The following PAK3 variants were observed in gnomAD, a reference collection of about 807,000 sequenced individuals.
PAK3 encodes the protein p21 (RAC1) activated kinase 3, also known as serine/threonine-protein kinase PAK 3.
A neutral mutation model predicts 41.0 loss-of-function variants in PAK3; 4 were observed. The observed-to-expected ratio is 0.10, with a 90% confidence interval of 0.05 to 0.22. The LOEUF (loss-of-function observed/expected upper bound fraction) is 0.22, where lower values mean the gene tolerates loss of function less well. Ranked by LOEUF, PAK3 falls within the 10% of genes least tolerant of loss-of-function variation. The pLI is 1.00. For synonymous variants in PAK3, 146 were observed against 139.6 expected (o/e 1.05, Z -0.32); for missense variants, 205 against 409.9 (o/e 0.50, Z 4.32).
At chrX:111,138,833 A>G (rs770932269) in intron 5 of PAK3, among the ~76,000 whole-genome samples, 141 of 110,927 alleles carry the variant, frequency 1.3e-3, no homozygotes, top group African/African-American at 4.4e-3. Flanking sequence ...GACAGCATTT[A>G]AGCATCTTAA....
chrX:110,976,786 G>T lies in PAK3; in HGVS notation c.-28+32158G>T, dbSNP rs1425671369. The stretch of plus-strand genomic sequence containing the variant: ...ATGGAATACTATGCAGCCATAAAAA[G>T]TATGAGTTCATGTCCTTTTCAGGGA... On this transcript the variant is annotated intron_variant, in intron 1 of 14. Coordinates refer to the PAK3 transcript ENST00000425146. Among the ~76,000 whole-genome samples the T allele has an allele frequency of 5.4e-5, 6 of 111,344 alleles. No homozygotes were observed. In the Admixed American group the frequency reaches 5.7e-4, roughly 11 times the overall value.
chrX:111,098,061 T>C (rs1193398195), intron 3 of PAK3, among the ~76,000 whole-genome samples: 2 of 109,665 alleles, frequency 1.8e-5, no homozygotes, highest in African/African-American at 6.7e-5. Context: ...TGCAATAGGG[T>C]TATAAGCTAG....
chrX:111,059,644 A>G (rs976673971), intron 1 of PAK3, among the ~76,000 whole-genome samples: 1 of 109,798 alleles, frequency 9.1e-6, no homozygotes, highest in African/African-American at 3.3e-5. Context: ...TTTGTGTACA[A>G]CTCTTGCACT....
rs191511578 is a variant in PAK3, at chrX:111,115,070, T to C, written c.-27-8007T>C. On this transcript the variant is annotated intron_variant, in intron 4 of 17. Transcript: ENST00000372007. The stretch of plus-strand genomic sequence containing the variant: ...GAAAGACTTAGGCACACAGCAGTCT[T>C]TGCTTTGTATGTATATGAGCACTAG... 3.0e-3 allele frequency among the ~76,000 whole-genome samples: 337 copies of C among 112,231 alleles called. 2 individuals are homozygous for C. Among genetic ancestry groups the C allele is most frequent in the Admixed American group, 6.9e-3 (73 of 10,573 alleles).
At chrX:111,068,298 T>A (rs1474597720) in intron 1 of PAK3, among the ~76,000 whole-genome samples, 1 of 111,698 alleles carries the variant, frequency 9.0e-6, no homozygotes, top group African/African-American at 3.3e-5. Context: ...TAGGCTTGTT[T>A]TATTTTTATT....
chrX:111,086,329 T>G (rs1477594782), intron 1 of PAK3, among the ~76,000 whole-genome samples: 2 of 110,781 alleles, frequency 1.8e-5, no homozygotes, highest in African/African-American at 6.6e-5. Context: ...AAGCCTAGGG[T>G]TGGGGGAAGA....
At chrX:111,177,318 T>C (rs1448497127) in intron 11 of PAK3, among the ~76,000 whole-genome samples, 1 of 111,991 alleles carries the variant, frequency 8.9e-6, no homozygotes, top group African/African-American at 3.2e-5. Context: ...AACTAAATTT[T>C]TTCTCCAGCA....
chrX:110,991,791 T>C (rs1457899632), intron 1 of PAK3, among the ~76,000 whole-genome samples: 1 of 111,045 alleles, frequency 9.0e-6, no homozygotes, highest in Non-Finnish European at 1.9e-5. Flanking sequence ...GGAGATGGCA[T>C]GGATTTGGGA....
chrX:111,041,679 T>G (rs906227933), intron 1 of PAK3, among the ~76,000 whole-genome samples: 2 of 111,095 alleles, frequency 1.8e-5, no homozygotes, highest in African/African-American at 6.5e-5. Flanking sequence ...GTGTTTCTAC[T>G]TCCCACCTCT....
intron 11 of PAK3, 82 bp from the exon 12 acceptor site, chrX:111,192,044 CA>C: frequency 1.6e-6 from 1 of 612,586 alleles, no homozygotes; most frequent in East Asian, 3.5e-5. Flanking sequence ...TTCCTCCCCT[CA>C]AAATAATTAC....
intron 1 of PAK3, among the ~76,000 whole-genome samples, chrX:111,046,844 C>A (rs2092503570): frequency 8.9e-6 from 1 of 112,113 alleles, no homozygotes; most frequent in Non-Finnish European, 1.9e-5. Context: ...TTCCCACATG[C>A]ACTCTCTCAG....
intron 4 of PAK3, among the ~76,000 whole-genome samples, chrX:111,113,486 T>C (rs1031796843): frequency 1.8e-5 from 2 of 111,633 alleles, no homozygotes; most frequent in Non-Finnish European, 3.8e-5. Flanking sequence ...TATGATTTCT[T>C]ATATAGCAAT....
chrX:111,004,984 T>A (rs1202674513), intron 1 of PAK3, among the ~76,000 whole-genome samples: 1 of 112,380 alleles, frequency 8.9e-6, no homozygotes, highest in Admixed American at 9.4e-5. Flanking sequence ...CAAAGATGCA[T>A]CTGTTAAAGC....
intron 1 of PAK3, among the ~76,000 whole-genome samples, chrX:111,077,761 GAC>G (rs2092799160): frequency 9.0e-6 from 1 of 111,653 alleles, no homozygotes; most frequent in Non-Finnish European, 1.9e-5. Flanking sequence ...AATGATATTT[GAC>G]CTATGACCCC....
chrX:111,183,964 A>G (rs1174102484), intron 11 of PAK3, among the ~76,000 whole-genome samples: 1 of 111,432 alleles, frequency 9.0e-6, no homozygotes, highest in Admixed American at 9.6e-5. Flanking sequence ...TAGTATAGTT[A>G]ACTGAAAGAT....
chrX:111,136,233 T>C (rs2093787890), intron 5 of PAK3, among the ~76,000 whole-genome samples: 1 of 111,389 alleles, frequency 9.0e-6, no homozygotes, highest in South Asian at 3.8e-4. Context: ...GTGTGGTGAT[T>C]GGAAAAGGAA....
intron 1 of PAK3, among the ~76,000 whole-genome samples, chrX:111,056,325 A>T (rs1294770691): frequency 2.7e-5 from 3 of 112,108 alleles, no homozygotes. Flanking sequence ...CTCTGGGTAA[A>T]AAAGTCAAGT....
intron 16 of PAK3, among the ~76,000 whole-genome samples, chrX:111,215,331 G>T (rs1483263850): frequency 1.8e-5 from 2 of 111,152 alleles, no homozygotes; most frequent in Non-Finnish European, 3.8e-5. Flanking sequence ...GACCGAGGTG[G>T]GTGGATCATT....
chrX:111,020,329 AT>A, intron 1 of PAK3, among the ~76,000 whole-genome samples: 1 of 112,419 alleles, frequency 8.9e-6, no homozygotes, highest in South Asian at 3.7e-4. Context: ...TTCCATTTGT[AT>A]AAAGTACTTA....
Sources: gnomAD v4.1 joint callset for allele counts (sites outside exome capture counted in the v4.1 genomes callset) on GRCh38, gnomAD v4.1.1 for gene constraint, MANE v1.5 for transcripts, NCBI Gene and HGNC (gene_info 2026-07-23, HGNC 2026-07-21) for gene names.